ARHGAP35: variants seen among roughly 807,000 people sequenced by gnomAD.
ARHGAP35 encodes rho GTPase-activating protein 35.
A neutral mutation model predicts 111.1 loss-of-function variants in ARHGAP35; 15 were observed. That is an observed-to-expected ratio of 0.13 (90% CI 0.09 to 0.21). ARHGAP35 has a LOEUF of 0.21. ARHGAP35 is among the 10% of genes least tolerant of loss of function. The pLI is 1.00. For synonymous variants in ARHGAP35, 643 were observed against 710.3 expected (o/e 0.91, Z 1.51); for missense variants, 1,262 against 1,873.0 (o/e 0.67, Z 6.02).
intron 3 of ARHGAP35, among the ~76,000 whole-genome samples, chr19:46,942,687 C>G (rs1314736188): frequency 6.6e-6 from 1 of 151,338 alleles, no homozygotes; most frequent in Non-Finnish European, 1.5e-5. Flanking sequence ...TAGTGGTGTG[C>G]ACCTGTGATC....
chr19:46,907,308 G>T (rs1259352159), intron 1 of ARHGAP35, among the ~76,000 whole-genome samples: 2 of 151,076 alleles, frequency 1.3e-5, no homozygotes, highest in African/African-American at 4.9e-5. Flanking sequence ...CACCACGCTC[G>T]GCTGATTTTA....
At chr19:46,940,187 C>T (rs755290969) in intron 3 of ARHGAP35, among the ~76,000 whole-genome samples, 10 of 152,000 alleles carry the variant, frequency 6.6e-5, no homozygotes, top group Non-Finnish European at 1.2e-4. Context: ...TGGAGAAACC[C>T]AGTCTCTACT....
At position 46,969,079 on chromosome 19, in the gene ARHGAP35, T is replaced by C. The variant is rs552220757; in HGVS notation, c.3827-18910T>C. Among the ~76,000 whole-genome samples the C allele has an allele frequency of 2.3e-4, 35 of 152,016 alleles. 1 individual carries two copies. Among genetic ancestry groups the C allele is most frequent in the Admixed American group, 1.9e-3 (29 of 15,260 alleles). On this transcript the variant is annotated intron_variant, in intron 3 of 6. Transcript: ENST00000672722. ...TCCAGCCTGGGCCAGAGAGCAGGAC[T>C]GTCTCAAAAAAAAAATAGAAAGAAG... is the stretch of plus-strand genomic sequence containing the variant.
intron 1 of ARHGAP35, among the ~76,000 whole-genome samples, chr19:46,889,067 C>T (rs1162178279): frequency 1.3e-5 from 2 of 152,018 alleles, no homozygotes; most frequent in South Asian, 2.1e-4. Flanking sequence ...ACCTGTAACC[C>T]CTGCACTTTG....
At chr19:46,943,347 G>A (rs1191978009) in intron 3 of ARHGAP35, among the ~76,000 whole-genome samples, 1 of 152,210 alleles carries the variant, frequency 6.6e-6, no homozygotes, top group Non-Finnish European at 1.5e-5. Flanking sequence ...CACCCTGCAG[G>A]TGGTGGACGC....
intron 3 of ARHGAP35, among the ~76,000 whole-genome samples, chr19:46,952,748 G>A (rs556946801): frequency 6.6e-6 from 1 of 152,294 alleles, no homozygotes; most frequent in East Asian, 1.9e-4. Flanking sequence ...ATCTCAGCTC[G>A]CAGCGTGCAG....
At chr19:46,882,730 C>T (rs906071135) in intron 1 of ARHGAP35, among the ~76,000 whole-genome samples, 5 of 152,158 alleles carry the variant, frequency 3.3e-5, no homozygotes, top group African/African-American at 1.2e-4. Flanking sequence ...TCAACTCCCA[C>T]TTTTGAGTGA....
At chr19:46,925,790 T>G (rs1247991082) in intron 2 of ARHGAP35, among the ~76,000 whole-genome samples, 5 of 152,178 alleles carry the variant, frequency 3.3e-5, no homozygotes, top group African/African-American at 1.2e-4. Context: ...ACATTCTTTC[T>G]GCAAAAGAGG....
chr19:46,875,692 G>A (rs1404134333), intron 1 of ARHGAP35, among the ~76,000 whole-genome samples: 2 of 151,998 alleles, frequency 1.3e-5, no homozygotes, highest in East Asian at 1.9e-4. Context: ...GCTAAAGTTG[G>A]TAACCTTTGA....
At position 46,920,153 on chromosome 19, in the gene ARHGAP35, A is replaced by G. The variant is rs1281295857; in HGVS notation, c.1478A>G (p.Gln493Arg). Residue 493 changes from glutamine to arginine, a missense_variant, in exon 2 of 7, where the codon CAG becomes CGG. Coordinates refer to ENST00000672722, the MANE Select transcript of ARHGAP35 (RefSeq NM_004491.5). This position sits in a 1 kb window ranked among gnomAD's most constrained non-coding sequence, Gnocchi z 7.0. ...QIIDKAKEEFQELLLEYSELF... is the reference protein window; with the variant it reads ...QIIDKAKEEFRELLLEYSELF... ...ATAGATAAAGCAAAGGAAGAATTTC[A>G]GGAGTTGCTTTTGGAATATTCAGAA... is the stretch of plus-strand genomic sequence containing the variant. 1 of 1,613,908 alleles carries G rather than the reference A, an allele frequency of 6.2e-7. No homozygotes were observed. The highest frequency in any genetic ancestry group is 8.5e-7 in the Non-Finnish European group (1 of 1,179,908).
Position 46,930,483 on chromosome 19 carries a change from CAAAA to C in ARHGAP35, c.3682-6777_3682-6774del, listed in dbSNP as rs547602106. Among the ~76,000 whole-genome samples, 710 of 136,406 alleles carry C rather than the reference CAAAA, an allele frequency of 5.2e-3. 9 individuals are homozygous for C. Among genetic ancestry groups the C allele is most frequent in the African/African-American group, 0.019 (691 of 36,570 alleles). The allele number at this position is 136,406 out of a possible 152,430, so 89.5% of individuals were successfully genotyped here. ...GCACTTTGAAAAAAAAAAAAAAAGA[CAAAA>C]AAAGGCAGTGAATCCAACAGGCTGG... On this transcript the variant is annotated intron_variant, in intron 2 of 6. Transcript: ENST00000672722.
Position 47,000,579 on chromosome 19 carries a change from C to G in ARHGAP35, c.4391C>G (p.Ser1464Cys), listed in dbSNP as rs749520187. The G allele has an allele frequency of 5.0e-6, 8 of 1,613,434 alleles. No individual in the cohort carries two copies. Among genetic ancestry groups the G allele is most frequent in the Admixed American group, 1.7e-5 (1 of 59,968 alleles). ...AVASTVPFLT[S>C]TPVTSQPSPP... is the part of the protein sequence containing the mutation. ...GCTTCCACCGTCCCCTTCCTCACTT[C>G]CACGCCTGTCACAAGTCAGCCGTCG... The change falls in exon 7 of 7, where the codon TCC (serine) becomes TGC (cysteine). Residue 1464 changes from serine (S) to cysteine (C), a missense_variant. Around this residue, in one of 8 missense-constraint regions of ARHGAP35, gnomAD observed 75 missense variants for 87.0 expected, o/e 0.86. Transcript: ENST00000672722. The surrounding 1 kb of genome is among the most constrained non-coding windows in gnomAD (Gnocchi z 6.9).
intron 3 of ARHGAP35, among the ~76,000 whole-genome samples, chr19:46,983,942 C>G (rs1366449278): frequency 6.6e-6 from 1 of 152,156 alleles, no homozygotes; most frequent in African/African-American, 2.4e-5. Flanking sequence ...GATTGTAGCT[C>G]TGTCCCCTAG....
chr19:46,920,976 G>A lies in ARHGAP35; in HGVS notation c.2301G>A (p.Leu767=). The A allele has an allele frequency of 6.2e-7, 1 of 1,613,940 alleles. No homozygotes were observed. Among genetic ancestry groups the A allele is most frequent in the Non-Finnish European group, 8.5e-7 (1 of 1,179,896 alleles). ...GLLDSKRNLN[L]VSSTASIKDL... ...TGGACTCTAAGCGTAACTTAAACCTGGTCAGTTCTACTGCTAGCATCAAAG... is the reference window on the plus strand; with the variant it reads ...TGGACTCTAAGCGTAACTTAAACCTAGTCAGTTCTACTGCTAGCATCAAAG... Residue 767 remains leucine, a synonymous_variant, in exon 2 of 7, where the codon CTG becomes CTA. Coordinates refer to ENST00000672722, the MANE Select transcript of ARHGAP35 (RefSeq NM_004491.5). The surrounding 1 kb of genome is among the most constrained non-coding windows in gnomAD (Gnocchi z 7.0).
intron 1 of ARHGAP35, among the ~76,000 whole-genome samples, chr19:46,913,733 G>A (rs1256525402): frequency 6.6e-6 from 1 of 152,122 alleles, no homozygotes; most frequent in Non-Finnish European, 1.5e-5. Context: ...TCTCTGTACA[G>A]CTCAAAGATA....
chr19:46,881,810 G>A (rs995973449), intron 1 of ARHGAP35, among the ~76,000 whole-genome samples: 3 of 152,188 alleles, frequency 2.0e-5, no homozygotes, highest in Non-Finnish European at 4.4e-5. Flanking sequence ...GTCCTAGATG[G>A]CATCTTTTTC....
intron 1 of ARHGAP35, among the ~76,000 whole-genome samples, chr19:46,878,732 C>T (rs1437149368): frequency 1.3e-5 from 2 of 152,128 alleles, no homozygotes; most frequent in Non-Finnish European, 1.5e-5. Flanking sequence ...CCTCAACCTC[C>T]TGGGCTCAAG....
rs369956877 is a variant in ARHGAP35, at chr19:47,000,504, G to A, written c.4316G>A (p.Arg1439Gln). 203 of 1,613,142 alleles carry A rather than the reference G, an allele frequency of 1.3e-4. No individual in the cohort carries two copies. The highest frequency in any genetic ancestry group is 1.6e-4 in the Non-Finnish European group (183 of 1,179,812). Residue 1439 changes from arginine (R) to glutamine (Q), a missense_variant, in exon 7 of 7, where the codon CGG (arginine) becomes CAG (glutamine). Physicochemically the swap from Arg to Gln is conservative, Grantham distance 43. Transcript: ENST00000672722. The surrounding 1 kb of genome is among the most constrained non-coding windows in gnomAD (Gnocchi z 6.9). ...CAGTGCCCCTTCTTCTTCTACAATC[G>A]GCCCATCACCGAGCCCCCCGGCGCC... ...IQQCPFFFYN[R>Q]PITEPPGARP...
At position 46,918,754 on chromosome 19, in the gene ARHGAP35, G is replaced by A; in HGVS notation, c.79G>A (p.Glu27Lys). Residue 27 changes from glutamate to lysine, a missense_variant, in exon 2 of 7, where the codon GAA becomes AAA. Physicochemically the swap from Glu to Lys is moderately conservative, Grantham distance 56. This residue lies in a region of ARHGAP35 where 125 missense variants were observed against 301.7 expected (regional missense o/e 0.41). Coordinates refer to ENST00000672722, the MANE Select transcript of ARHGAP35 (RefSeq NM_004491.5). The surrounding 1 kb of genome is among the most constrained non-coding windows in gnomAD (Gnocchi z 5.4). ...SVVGLSGTEK[E>K]KGQCGIGKSC... ...GGTGGGATTATCTGGGACCGAGAAGGAAAAGGGCCAGTGTGGGATTGGAAA... is the reference window on the plus strand; with the variant it reads ...GGTGGGATTATCTGGGACCGAGAAGAAAAAGGGCCAGTGTGGGATTGGAAA... The A allele has an allele frequency of 6.2e-7, 1 of 1,614,014 alleles. No individual in the cohort carries two copies. The highest frequency in any genetic ancestry group is 8.5e-7 in the Non-Finnish European group (1 of 1,179,898).
Sources: allele counts gnomAD v4.1 joint callset (sites outside exome capture counted in the v4.1 genomes callset), GRCh38; gene constraint gnomAD v4.1.1; regional missense constraint gnomAD v4.1.1; non-coding constraint Gnocchi (gnomAD v3.1); transcripts MANE v1.5; gene names NCBI Gene and HGNC (gene_info 2026-07-23, HGNC 2026-07-21).